Variants in SHISA4 observed in about 807,000 individuals in gnomAD.
SHISA4 encodes the protein protein shisa-4.
In SHISA4, 16 loss-of-function variants were observed where a neutral mutation model predicts 24.2. That is an observed-to-expected ratio of 0.66 (90% CI 0.45 to 1.00). The LOEUF (loss-of-function observed/expected upper bound fraction) is 1.00. Ranked by LOEUF, SHISA4 falls within the 50% of genes least tolerant of loss-of-function variation. The pLI is 0.00. For missense variants in SHISA4, 238 were observed against 258.9 expected (o/e 0.92, Z 0.55); for synonymous variants, 106 against 105.4 (o/e 1.01, Z -0.04).
chr1:201,889,288 CG>C, intron 1 of SHISA4, 156 bp from the exon 2 acceptor site: 5 of 1,099,558 alleles, frequency 4.5e-6, no homozygotes, highest in Non-Finnish European at 6.4e-6. Flanking sequence ...GCAGAGGCCT[CG>C]GGGGCTCTGG....
intron 3 of SHISA4, 78 bp from the exon 4 acceptor site, chr1:201,891,323 C>G: frequency 6.3e-7 from 1 of 1,583,158 alleles, no homozygotes; most frequent in Non-Finnish European, 8.7e-7. Flanking sequence ...AGGGTGCTTA[C>G]CTTGGTTTCC....
intron 3 of SHISA4, among the ~76,000 whole-genome samples, 173 bp downstream of exon 3, chr1:201,890,760 G>A (rs1376453571): frequency 6.6e-6 from 1 of 152,226 alleles, no homozygotes; most frequent in Non-Finnish European, 1.5e-5. Context: ...ATATTAGAAT[G>A]TGCCTGGGAT....
rs995331666 is a variant in SHISA4 at position 201,892,303 on chromosome 1, C to T, written c.*457C>T. ...CTAGATTAAAGCTGTAAAGACATAA[C>T]TCATATCAGTCGCATCATTGGACCC... On this transcript the variant is annotated 3_prime_UTR_variant, in exon 5 of 5. Transcript: ENST00000362011. 5.1e-6 allele frequency: 1 copy of T among 195,030 alleles called. No homozygotes were observed. Among genetic ancestry groups the T allele is most frequent in the Non-Finnish European group, 1.0e-5 (1 of 95,448 alleles). The allele number at this position is 195,030 out of a possible 1,614,324, so 12.1% of individuals were successfully genotyped here.
At position 201,888,926 on chromosome 1, in the gene SHISA4, C is replaced by G; in HGVS notation, c.-69C>G. The G allele has an allele frequency of 8.8e-7, 1 of 1,139,084 alleles. No individual in the cohort carries two copies. Among genetic ancestry groups the G allele is most frequent in the Non-Finnish European group, 1.1e-6 (1 of 876,810 alleles). 70.6% of individuals were successfully genotyped at this position (1,139,084 alleles called of 1,614,324 possible). A position where few individuals can be genotyped will look rare whatever the true frequency, so the allele number is the denominator to read the frequency against. ...CGCGGGCTGGGCCCCGCCGCAGCTC[C>G]AGCTGGCCGGCTTGGTCCTGCGGTC... On this transcript the variant is annotated 5_prime_UTR_variant, in exon 1 of 5. Coordinates refer to ENST00000362011, the MANE Select transcript of SHISA4 (RefSeq NM_198149.3).
chr1:201,891,249 A>T, intron 3 of SHISA4, 152 bp from the exon 4 acceptor site: 1 of 856,342 alleles, frequency 1.2e-6, no homozygotes, highest in Non-Finnish European at 1.9e-6. Flanking sequence ...TCCCTGCTTA[A>T]CTCTGCCAAG....
At chr1:201,891,766 C>G (rs1229772110) in intron 4 of SHISA4, 34 bp from the exon 5 acceptor site, 1 of 1,613,406 alleles carries the variant, frequency 6.2e-7, no homozygotes, top group Non-Finnish European at 8.5e-7. Flanking sequence ...ACCTATGCCA[C>G]CACTCACCCT....
At chr1:201,890,303 A>C (rs1283788788) in intron 2 of SHISA4, 151 bp from the exon 3 acceptor site, 3 of 1,004,852 alleles carry the variant, frequency 3.0e-6, no homozygotes. Flanking sequence ...GTCCTCTAAG[A>C]TCTCCTTCAC....
At position 201,888,969 on chromosome 1, in the gene SHISA4, G is replaced by T; in HGVS notation, c.-26G>T. 1.5e-6 allele frequency: 2 copies of T among 1,373,882 alleles called. No homozygotes were observed. Among genetic ancestry groups the T allele is most frequent in the Non-Finnish European group, 1.9e-6 (2 of 1,060,846 alleles). The allele number at this position is 1,373,882 out of a possible 1,614,324, so 85.1% of individuals were successfully genotyped here. The stretch of plus-strand genomic sequence containing the variant: ...CTGCGGTCCCTTCTCTGGGAGGCCC[G>T]ACCCCGGCCGCGCCCAGCCCCCACC... On this transcript the variant is annotated 5_prime_UTR_variant, in exon 1 of 5. Coordinates refer to ENST00000362011, the MANE Select transcript of SHISA4 (RefSeq NM_198149.3).
Position 201,891,911 on chromosome 1 carries a change from A to G in SHISA4, c.*65A>G. On this transcript the variant is annotated 3_prime_UTR_variant, in exon 5 of 5. Coordinates refer to ENST00000362011, the MANE Select transcript of SHISA4 (RefSeq NM_198149.3). ...ACCTTGGGAGATGCCCTCATCCTGT[A>G]CCTGCATCTGGTCCTGGGGGTGGCA... 1 of 1,584,570 alleles carries G rather than the reference A, an allele frequency of 6.3e-7. No homozygotes were observed. Among genetic ancestry groups the G allele is most frequent in the Non-Finnish European group, 8.7e-7 (1 of 1,153,770 alleles).
chr1:201,890,255 C>G (rs1157678521), intron 2 of SHISA4, among the ~76,000 whole-genome samples, 199 bp from the exon 3 acceptor site: 1 of 152,204 alleles, frequency 6.6e-6, no homozygotes, highest in Non-Finnish European at 1.5e-5. Flanking sequence ...ATGCTTCACA[C>G]TAGCCAGCCA....
intron 2 of SHISA4, among the ~76,000 whole-genome samples, chr1:201,889,930 T>C (rs938524045): frequency 2.6e-5 from 4 of 152,148 alleles, no homozygotes; most frequent in Non-Finnish European, 5.9e-5. Context: ...CGGACGACAG[T>C]GTAGCTTTGT....
intron 3 of SHISA4, 118 bp downstream of exon 3, chr1:201,890,705 C>T: frequency 1.5e-6 from 2 of 1,340,926 alleles, no homozygotes; most frequent in Non-Finnish European, 2.0e-6. Context: ...TGTATACACA[C>T]ACCTGCCAGC....
chr1:201,888,918 CG>C lies in SHISA4; in HGVS notation c.-76del. The C allele has an allele frequency of 9.5e-7, 1 of 1,051,930 alleles. No homozygotes were observed. The highest frequency in any genetic ancestry group is 1.2e-6 in the Non-Finnish European group (1 of 801,842). The allele number at this position is 1,051,930 out of a possible 1,614,324, so 65.2% of individuals were successfully genotyped here. On this transcript the variant is annotated 5_prime_UTR_variant, in exon 1 of 5. Coordinates refer to ENST00000362011, the MANE Select transcript of SHISA4 (RefSeq NM_198149.3). ...AGCCTGGCCGCGGGCTGGGCCCCGC[CG>C]CAGCTCCAGCTGGCCGGCTTGGTCC...
chr1:201,889,059 C>T lies in SHISA4; in HGVS notation c.65C>T (p.Ala22Val). 7.2e-7 allele frequency: 1 copy of T among 1,392,780 alleles called. No homozygotes were observed. Among genetic ancestry groups the T allele is most frequent in the Middle Eastern group, 2.0e-4 (1 of 5,120 alleles). 86.3% of individuals were successfully genotyped at this position (1,392,780 alleles called of 1,614,324 possible). ...LTAIALLVLG[A>V]PLVLAGEDCL... ...GCAATCGCTCTGTTGGTGCTGGGGG[C>T]TCCCCTGGGTAAGGGGATGGGGAGA... The change falls in exon 1 of 5, where the codon GCT becomes GTT. Residue 22 changes from alanine to valine, a missense_variant. Coordinates refer to ENST00000362011, the MANE Select transcript of SHISA4 (RefSeq NM_198149.3).
In SHISA4 at chr1:201,892,168, GC is replaced by G. The variant is rs1231720609; in HGVS notation, c.*325del. On this transcript the variant is annotated 3_prime_UTR_variant, in exon 5 of 5. Coordinates refer to ENST00000362011, the MANE Select transcript of SHISA4 (RefSeq NM_198149.3). ...CAAGATCCCAGCCAGGAAGGCTGGG[GC>G]CCTACTGTTTGTCCCCTCTGGGCTG... 3.2e-6 allele frequency: 1 copy of G among 308,054 alleles called. No individual in the cohort carries two copies. Among genetic ancestry groups the G allele is most frequent in the African/African-American group, 2.4e-5 (1 of 42,214 alleles). The allele number at this position is 308,054 out of a possible 1,614,324, so 19.1% of individuals were successfully genotyped here.
intron 4 of SHISA4, 75 bp from the exon 5 acceptor site, chr1:201,891,725 G>C: frequency 1.3e-6 from 2 of 1,583,588 alleles, no homozygotes; most frequent in South Asian, 2.2e-5. Context: ...GGTCCTGTCT[G>C]CCCCGGGGGC....
In SHISA4 at chr1:201,891,491, G is replaced by T; in HGVS notation, c.470G>T (p.Gly157Val). Residue 157 changes from glycine to valine, a missense_variant, in exon 4 of 5, where the codon GGC becomes GTC. Transcript: ENST00000362011. ...GCTGGCCCTGCACCCCCACAGCCTG[G>T]CTTCATATACCCACCTAGTGGTCCT... ...PKAGPAPPQP[G>V]FIYPPSGPAP... is the part of the protein sequence containing the mutation. The T allele has an allele frequency of 6.2e-7, 1 of 1,613,786 alleles. No homozygotes were observed. Among genetic ancestry groups the T allele is most frequent in the Non-Finnish European group, 8.5e-7 (1 of 1,179,880 alleles).
At chr1:201,890,916 A>T (rs1681082218) in intron 3 of SHISA4, among the ~76,000 whole-genome samples, 1 of 152,224 alleles carries the variant, frequency 6.6e-6, no homozygotes, top group Non-Finnish European at 1.5e-5. Flanking sequence ...TCAGGTCTGT[A>T]GTGATGAACA....
rs145761235 is a variant in SHISA4, at chr1:201,891,505, C to T, written c.484C>T (p.Pro162Ser). The change falls in exon 4 of 5, where the codon CCT becomes TCT. Residue 162 changes from proline to serine, a missense_variant. By Grantham distance (74) the Pro-to-Ser change is moderately conservative. Transcript: ENST00000362011. ...CCCACAGCCTGGCTTCATATACCCA[C>T]CTAGTGGTCCTGCTCCCCAATATCC... ...APPQPGFIYP[P>S]SGPAPQYPLY... 7.1e-5 allele frequency: 115 copies of T among 1,613,870 alleles called. No individual in the cohort carries two copies. The African/African-American group carries it at 9.5e-4, about 13-fold the overall frequency.
Sources: gnomAD v4.1 joint callset for allele counts (sites outside exome capture counted in the v4.1 genomes callset) on GRCh38, gnomAD v4.1.1 for gene constraint, MANE v1.5 for transcripts, NCBI Gene and HGNC (gene_info 2026-07-23, HGNC 2026-07-21) for gene names.